Variants in CHM observed in about 807,000 individuals in gnomAD.
CHM encodes CHM Rab escort protein, also known as rab proteins geranylgeranyltransferase component A 1.
Under a neutral mutation model 49.0 loss-of-function variants are expected in CHM, and 10 were observed. That is an observed-to-expected ratio of 0.20 (90% CI 0.13 to 0.35). The LOEUF (loss-of-function observed/expected upper bound fraction) is 0.35, where lower values mean the gene tolerates loss of function less well. Ranked by LOEUF, CHM falls within the 10% of genes least tolerant of loss-of-function variation. The pLI is 1.00. For synonymous variants in CHM, 184 were observed against 167.5 expected (o/e 1.10, Z -0.76); for missense variants, 455 against 478.4 (o/e 0.95, Z 0.46).
At position 85,956,182 on chromosome X, in the gene CHM, G is replaced by A. The variant is rs946954002; in HGVS notation, c.1137C>T (p.Gly379=). The A allele has an allele frequency of 3.3e-6, 4 of 1,208,697 alleles. No homozygotes were observed. The African/African-American group carries it at 5.3e-5, about 16-fold the overall frequency. The change falls in exon 8 of 15, where the codon GGC becomes GGT. Residue 379 remains glycine (G), a synonymous_variant. Coordinates refer to ENST00000357749, the MANE Select transcript of CHM (RefSeq NM_000390.4). ...GNTPFLFPLY[G]QGELPQCFCR... is the part of the protein sequence containing the mutation. ...AGAAACACTGGGGGAGTTCTCCTTGGCCATATAAAGGAAACAAAAATGGAG... is the reference window on the plus strand; with the variant it reads ...AGAAACACTGGGGGAGTTCTCCTTGACCATATAAAGGAAACAAAAATGGAG...
At chrX:86,046,776 G>A (rs61371537) in intron 1 of CHM, among the ~76,000 whole-genome samples, 5,017 of 111,600 alleles carry the variant, frequency 0.045, 118 homozygotes, top group African/African-American at 0.097. Flanking sequence ...AACAAACGAC[G>A]GGAAAACAAG....
chrX:85,913,332 A>AAAAAAAAAGAAAG (rs762266365), intron 8 of CHM, among the ~76,000 whole-genome samples: 2 of 23,421 alleles, frequency 8.5e-5, no homozygotes, highest in Admixed American at 8.0e-4. Flanking sequence ...AAAAAAAAAA[A>AAAAAAAAAGAAAG]AAAGAAAGAA....
intron 8 of CHM, among the ~76,000 whole-genome samples, chrX:85,935,326 C>G (rs1485465933): frequency 9.0e-6 from 1 of 111,513 alleles, no homozygotes; most frequent in Non-Finnish European, 1.9e-5. Context: ...CCACTAGGTC[C>G]CAACTCCAAC....
chrX:85,909,519 G>C (rs901691910), intron 9 of CHM, among the ~76,000 whole-genome samples: 1 of 111,276 alleles, frequency 9.0e-6, no homozygotes, highest in Non-Finnish European at 1.9e-5. Context: ...AGATTACCTG[G>C]TAATTTTTGG....
chrX:85,946,094 A>G (rs1929394301), intron 8 of CHM, among the ~76,000 whole-genome samples: 1 of 112,571 alleles, frequency 8.9e-6, no homozygotes, highest in African/African-American at 3.2e-5. Flanking sequence ...CTAATAGCCT[A>G]TGCTCAATGA....
chrX:86,023,725 T>C (rs1463312602), intron 2 of CHM, among the ~76,000 whole-genome samples: 1 of 111,746 alleles, frequency 8.9e-6, no homozygotes, highest in Non-Finnish European at 1.9e-5. Flanking sequence ...CATACTTTAA[T>C]TTTTAGCCAC....
chrX:86,021,490 G>A (rs1292551031), intron 2 of CHM, among the ~76,000 whole-genome samples: 1 of 110,135 alleles, frequency 9.1e-6, no homozygotes, highest in African/African-American at 3.3e-5. Context: ...CCTAGTAAGT[G>A]GAGAAACCAA....
At chrX:86,042,574 T>C (rs188541159) in intron 1 of CHM, among the ~76,000 whole-genome samples, 1 of 109,921 alleles carries the variant, frequency 9.1e-6, no homozygotes, top group Non-Finnish European at 1.9e-5. Flanking sequence ...TCCCAGCAAT[T>C]TGGGCCACCA....
intron 7 of CHM, among the ~76,000 whole-genome samples, chrX:85,957,412 T>C (rs1204565165): frequency 9.0e-6 from 1 of 110,760 alleles, no homozygotes; most frequent in Non-Finnish European, 1.9e-5. Context: ...TCAAACGAAA[T>C]AGTTCAAGAT....
At chrX:85,872,161 G>A (rs1041982992) in intron 14 of CHM, among the ~76,000 whole-genome samples, 1 of 111,882 alleles carries the variant, frequency 8.9e-6, no homozygotes, top group African/African-American at 3.3e-5. Context: ...TTAGATTACA[G>A]GCTCAACCAG....
chrX:85,869,591 T>C (rs961564887), intron 14 of CHM, among the ~76,000 whole-genome samples: 1 of 111,534 alleles, frequency 9.0e-6, no homozygotes, highest in African/African-American at 3.3e-5. Flanking sequence ...GCCCTGGCCC[T>C]TGTTGATGCC....
chrX:85,951,662 G>A (rs1929753394), intron 8 of CHM, among the ~76,000 whole-genome samples: 1 of 111,957 alleles, frequency 8.9e-6, no homozygotes, highest in African/African-American at 3.3e-5. Flanking sequence ...AGAGGGTGGA[G>A]CAAGATGGTC....
rs1323055330 is a variant in CHM, at chrX:85,862,154, G to T, written c.*2476C>A. On this transcript the variant is annotated 3_prime_UTR_variant, in exon 15 of 15. Coordinates refer to ENST00000357749, the MANE Select transcript of CHM (RefSeq NM_000390.4). ...CATATTTAATAAATGACCTGAAAGA[G>T]AGATTCTGATGCTAATGGATGAAAC... 1 of 111,928 alleles carries T rather than the reference G, an allele frequency of 8.9e-6. No individual in the cohort carries two copies. The highest frequency in any genetic ancestry group is 2.8e-4 in the East Asian group (1 of 3,562). 9.2% of individuals were successfully genotyped at this position (111,928 alleles called of 1,213,427 possible).
chrX:85,938,198 G>A (rs1240582165), intron 8 of CHM, among the ~76,000 whole-genome samples: 2 of 111,106 alleles, frequency 1.8e-5, no homozygotes, highest in Non-Finnish European at 3.8e-5. Flanking sequence ...TCAAAATGAT[G>A]GATTATCTCA....
intron 8 of CHM, among the ~76,000 whole-genome samples, chrX:85,914,257 C>T (rs1314876441): frequency 9.0e-6 from 1 of 110,885 alleles, no homozygotes; most frequent in Admixed American, 9.6e-5. Flanking sequence ...GCTCACCATG[C>T]TCCTCTAGGT....
rs779601167 is a variant in CHM at position 86,042,880 on chromosome X, A to C, written c.49+4604T>G. The stretch of plus-strand genomic sequence containing the variant: ...CTGCAAGAACGAATTCACTATTACA[A>C]GAAGAGTACCAAGCCATGAGGGATC... On this transcript the variant is annotated intron_variant, in intron 1 of 14. Coordinates refer to ENST00000357749, the MANE Select transcript of CHM (RefSeq NM_000390.4). Among the ~76,000 whole-genome samples the C allele has an allele frequency of 1.5e-4, 17 of 110,921 alleles. No homozygotes were observed. The South Asian group carries it at 4.3e-3, about 28-fold the overall frequency.
At chrX:85,951,617 C>A (rs1270909731) in intron 8 of CHM, among the ~76,000 whole-genome samples, 1 of 111,924 alleles carries the variant, frequency 8.9e-6, no homozygotes, top group African/African-American at 3.3e-5. Context: ...AATAAGACAA[C>A]AACCCAATAG....
chrX:86,021,057 C>CAT (rs1287108577), intron 2 of CHM, among the ~76,000 whole-genome samples: 38 of 94,170 alleles, frequency 4.0e-4, no homozygotes, highest in African/African-American at 1.3e-3. Flanking sequence ...TATATACACA[C>CAT]ATATATATAC....
chrX:85,931,639 C>T (rs1007415630), intron 8 of CHM, among the ~76,000 whole-genome samples: 5 of 110,815 alleles, frequency 4.5e-5, no homozygotes, highest in Non-Finnish European at 9.4e-5. Context: ...GTGGTCTTAA[C>T]CTTGATGGTC....
Sources: allele counts gnomAD v4.1 joint callset (sites outside exome capture counted in the v4.1 genomes callset), GRCh38; gene constraint gnomAD v4.1.1; transcripts MANE v1.5; gene names NCBI Gene and HGNC (gene_info 2026-07-23, HGNC 2026-07-21).